Variants in TENM3 observed in about 807,000 individuals in gnomAD.
TENM3 encodes teneurin transmembrane protein 3.
TENM3 carries 63 observed loss-of-function variants against 255.1 expected under a neutral mutation model. The ratio of observed to expected loss-of-function variants is 0.25; its 90% CI spans 0.20 to 0.30. TENM3 has a LOEUF of 0.30. Ranked by LOEUF, TENM3 falls within the 10% of genes least tolerant of loss-of-function variation. The pLI, the probability that TENM3 is intolerant of heterozygous loss-of-function variation, is 1.00. For synonymous variants in TENM3, 1,306 were observed against 1,322.3 expected, an observed-to-expected ratio of 0.99 and a Z score of 0.27; for missense variants, 2,929 against 3,461.1, an observed-to-expected ratio of 0.85 and a Z score of 3.86.
the TENM3 span, among the ~76,000 whole-genome samples, chr4:182,028,435 G>T: frequency 6.6e-6 from 1 of 151,944 alleles, no homozygotes; most frequent in South Asian, 2.1e-4. Flanking sequence ...ATTATCTTTT[G>T]TATTGCTTTC....
chr4:182,218,783 G>C lies in TENM3; in HGVS notation c.-76+74029G>C, dbSNP rs531936594. On this transcript the variant is annotated intron_variant, in intron 1 of 2. Transcript: ENST00000512480. Reference sequence around the variant, plus strand: ...CACCTAATATATTCGCAAACATAATGTATAAGAAGAAAAAGAATCATGAAA... The same window carrying C: ...CACCTAATATATTCGCAAACATAATCTATAAGAAGAAAAAGAATCATGAAA... 2.0e-5 allele frequency among the ~76,000 whole-genome samples: 3 copies of C among 152,250 alleles called. No individual in the cohort carries two copies. The South Asian group carries it at 6.2e-4, about 32-fold the overall frequency.
chr4:181,457,009 C>A, the TENM3 span, among the ~76,000 whole-genome samples: 1 of 151,802 alleles, frequency 6.6e-6, no homozygotes, highest in Non-Finnish European at 1.5e-5. Flanking sequence ...TAAGGGACAG[C>A]ATCAACCAGG....
the TENM3 span, among the ~76,000 whole-genome samples, chr4:181,838,708 T>C: frequency 3.3e-5 from 5 of 152,178 alleles, no homozygotes; most frequent in African/African-American, 9.6e-5. Context: ...TTCGTGTGAA[T>C]CTAATATTTA....
At chr4:182,277,609 G>C (rs1760093747) in intron 1 of TENM3, among the ~76,000 whole-genome samples, 1 of 152,136 alleles carries the variant, frequency 6.6e-6, no homozygotes. Flanking sequence ...TGTGTTGTTA[G>C]GCTAGACATC....
chr4:182,006,734 T>C, the TENM3 span, among the ~76,000 whole-genome samples: 2 of 152,130 alleles, frequency 1.3e-5, no homozygotes, highest in African/African-American at 4.8e-5. Flanking sequence ...TCTCTTTCAA[T>C]TCTTCTTTGA....
chr4:181,739,685 G>T, the TENM3 span, among the ~76,000 whole-genome samples: 2 of 152,164 alleles, frequency 1.3e-5, no homozygotes, highest in Admixed American at 6.5e-5. Context: ...CCTCAGTATG[G>T]TCTATGCTTT....
intron 4 of TENM3, among the ~76,000 whole-genome samples, chr4:182,603,784 T>TATATATATATATATATATATATAC (rs58332965): frequency 1.6e-4 from 22 of 134,180 alleles, no homozygotes; most frequent in African/African-American, 6.0e-4. Flanking sequence ...TATATATATA[T>TATATATATATATATATATATATAC]ACACACACAC....
intron 1 of TENM3, among the ~76,000 whole-genome samples, chr4:182,231,501 C>G (rs976077923): frequency 6.6e-6 from 1 of 152,180 alleles, no homozygotes; most frequent in South Asian, 2.1e-4. Context: ...TCTCTGCCTC[C>G]GTGCCCATTT....
chr4:181,925,334 A>C, the TENM3 span, among the ~76,000 whole-genome samples: 1 of 152,208 alleles, frequency 6.6e-6, no homozygotes, highest in Non-Finnish European at 1.5e-5. Flanking sequence ...GCAAAGCACA[A>C]ATTCTCATTC....
chr4:181,523,222 C>A, the TENM3 span, among the ~76,000 whole-genome samples: 1 of 152,054 alleles, frequency 6.6e-6, no homozygotes, highest in African/African-American at 2.4e-5. Flanking sequence ...ATATGCAGAT[C>A]TAATATAAAA....
intron 3 of TENM3, among the ~76,000 whole-genome samples, chr4:182,585,680 A>G (rs1311961359): frequency 1.3e-5 from 2 of 152,198 alleles, no homozygotes; most frequent in African/African-American, 4.8e-5. Context: ...AGTCTATGGC[A>G]TTTTGTTACG....
the TENM3 span, among the ~76,000 whole-genome samples, chr4:181,886,844 T>G: frequency 6.6e-6 from 1 of 152,190 alleles, no homozygotes; most frequent in African/African-American, 2.4e-5. Flanking sequence ...TTAATTCAGT[T>G]TTAATTCAGT....
chr4:182,305,555 T>C (rs1762085856), intron 1 of TENM3, among the ~76,000 whole-genome samples: 1 of 152,204 alleles, frequency 6.6e-6, no homozygotes. Context: ...ATTTTGATGG[T>C]ATTCACTTTA....
intron 1 of TENM3, among the ~76,000 whole-genome samples, chr4:182,267,062 A>G (rs1462178608): frequency 1.3e-5 from 2 of 152,208 alleles, no homozygotes; most frequent in Non-Finnish European, 2.9e-5. Flanking sequence ...CAAAACTCTC[A>G]TAGAAAACTA....
At chr4:182,717,652 T>G (rs533837041) in intron 13 of TENM3, among the ~76,000 whole-genome samples, 1 of 152,344 alleles carries the variant, frequency 6.6e-6, no homozygotes, top group South Asian at 2.1e-4. Context: ...CAATGCTCAC[T>G]GGACCAGATA....
the TENM3 span, among the ~76,000 whole-genome samples, chr4:182,117,896 A>AAATAAT: frequency 6.6e-6 from 1 of 152,204 alleles, no homozygotes; most frequent in Non-Finnish European, 1.5e-5. Context: ...GACATCTTGA[A>AAATAAT]AATATTGATT....
At chr4:181,616,209 G>A in the TENM3 span, among the ~76,000 whole-genome samples, 3 of 145,500 alleles carry the variant, frequency 2.1e-5, no homozygotes, top group African/African-American at 5.0e-5. Flanking sequence ...AAGGGAATCA[G>A]TGTATTCCAT....
At chr4:181,644,821 TAA>T in the TENM3 span, among the ~76,000 whole-genome samples, 94 of 152,134 alleles carry the variant, frequency 6.2e-4, no homozygotes, top group Non-Finnish European at 1.1e-3. Context: ...TCTCTGATTT[TAA>T]GAGCCCTGGA....
intron 6 of TENM3, among the ~76,000 whole-genome samples, 197 bp downstream of exon 6, chr4:182,654,090 A>G: frequency 6.6e-6 from 1 of 152,150 alleles, no homozygotes; most frequent in East Asian, 1.9e-4. Context: ...CAGGAATAAT[A>G]TGATTTTCTG....
Sources: gnomAD v4.1 joint callset for allele counts (sites outside exome capture counted in the v4.1 genomes callset) on GRCh38, gnomAD v4.1.1 for gene constraint, MANE v1.5 for transcripts, NCBI Gene and HGNC (gene_info 2026-07-23, HGNC 2026-07-21) for gene names.